FTCDNL1: variants seen among roughly 807,000 people sequenced by gnomAD.
FTCDNL1 encodes the protein formiminotransferase cyclodeaminase N-terminal like.
In FTCDNL1, 11 loss-of-function variants were observed where a neutral mutation model predicts 5.9. The ratio of observed to expected loss-of-function variants is 1.87; its 90% CI spans 1.18 to 3.10. The LOEUF (loss-of-function observed/expected upper bound fraction) is 3.10, where lower values mean the gene tolerates loss of function less well. Among genes scored for constraint, FTCDNL1 ranks in the 30% most tolerant of loss-of-function variants. FTCDNL1 has a pLI of 0.00. For synonymous variants in FTCDNL1, 58 were observed against 24.8 expected (o/e 2.34, Z -3.99); for missense variants, 115 against 65.5 (o/e 1.76, Z -2.61).
Position 199,809,544 on chromosome 2 carries a change from G to A in FTCDNL1, c.*3161C>T, listed in dbSNP as rs1291323131. Reference sequence around the variant, plus strand: ...GATACTAGAACAATATAAATACTAAGGATTTAATTAAAATTGCCATCATTG... The same window carrying A: ...GATACTAGAACAATATAAATACTAAAGATTTAATTAAAATTGCCATCATTG... On this transcript the variant is annotated 3_prime_UTR_variant, in exon 5 of 5. Transcript: ENST00000420128. Among the ~76,000 whole-genome samples, 2 of 151,848 alleles carry A rather than the reference G, an allele frequency of 1.3e-5. No homozygotes were observed. The highest frequency in any genetic ancestry group is 4.8e-5 in the African/African-American group (2 of 41,360).
chr2:199,833,833 C>T (rs1340156556), intron 3 of FTCDNL1, among the ~76,000 whole-genome samples: 1 of 152,302 alleles, frequency 6.6e-6, no homozygotes, highest in East Asian at 1.9e-4. Context: ...CTGCCCTCCC[C>T]CTTTTCATAT....
At chr2:199,788,204 T>A (rs1017924136) in intron 3 of FTCDNL1, among the ~76,000 whole-genome samples, 6 of 152,240 alleles carry the variant, frequency 3.9e-5, no homozygotes, top group Admixed American at 3.9e-4. Flanking sequence ...TTTTTCCATA[T>A]GGCTATTCAG....
chr2:199,767,099 G>C (rs1698573978), intron 3 of FTCDNL1, among the ~76,000 whole-genome samples: 1 of 152,180 alleles, frequency 6.6e-6, no homozygotes, highest in African/African-American at 2.4e-5. Flanking sequence ...GCCAGGGTGA[G>C]AAGTAAGAAG....
chr2:199,774,615 G>A (rs755526144), intron 3 of FTCDNL1, among the ~76,000 whole-genome samples: 2 of 151,772 alleles, frequency 1.3e-5, no homozygotes, highest in Non-Finnish European at 2.9e-5. Context: ...GGTTTTAAGG[G>A]TTTTTTTTAG....
intron 4 of FTCDNL1, among the ~76,000 whole-genome samples, chr2:199,814,175 C>T (rs1012805477): frequency 6.6e-6 from 1 of 151,978 alleles, no homozygotes; most frequent in African/African-American, 2.4e-5. Flanking sequence ...TTTTTTAGAC[C>T]ATGCACTAAA....
chr2:199,674,983 G>A, the FTCDNL1 span, among the ~76,000 whole-genome samples: 1 of 152,222 alleles, frequency 6.6e-6, no homozygotes. Flanking sequence ...GCTTAAGCAT[G>A]TATCAGGAAT....
At chr2:199,703,372 A>G in the FTCDNL1 span, among the ~76,000 whole-genome samples, 1 of 152,220 alleles carries the variant, frequency 6.6e-6, no homozygotes, top group Non-Finnish European at 1.5e-5. Context: ...TGCAAGTAAC[A>G]AATACATCCA....
chr2:199,815,999 C>G (rs1701328845), intron 4 of FTCDNL1, among the ~76,000 whole-genome samples: 1 of 106,958 alleles, frequency 9.3e-6, no homozygotes, highest in Non-Finnish European at 2.0e-5. Flanking sequence ...GACTCCATCT[C>G]AAAAAAAAAA....
chr2:199,748,645 T>C, the FTCDNL1 span, among the ~76,000 whole-genome samples: 1 of 152,158 alleles, frequency 6.6e-6, no homozygotes, highest in Non-Finnish European at 1.5e-5. Flanking sequence ...ATCTATACTA[T>C]TAGCGATAGT....
chr2:199,838,881 A>AT (rs1156429847), intron 3 of FTCDNL1, among the ~76,000 whole-genome samples: 1 of 152,130 alleles, frequency 6.6e-6, no homozygotes, highest in African/African-American at 2.4e-5. Flanking sequence ...AAACGTTGAG[A>AT]TTTTTTCAGC....
the FTCDNL1 span, among the ~76,000 whole-genome samples, chr2:199,692,982 C>T: frequency 3.3e-5 from 5 of 152,302 alleles, no homozygotes; most frequent in South Asian, 1.0e-3. Context: ...AAGAAATCAT[C>T]CTCAGTAGCT....
chr2:199,719,541 GT>G, the FTCDNL1 span, among the ~76,000 whole-genome samples: 1 of 152,118 alleles, frequency 6.6e-6, no homozygotes, highest in African/African-American at 2.4e-5. Flanking sequence ...TTTTAGGGTT[GT>G]TTTTTCTAAT....
At chr2:199,717,986 C>CAAAAAAAAAAA in the FTCDNL1 span, among the ~76,000 whole-genome samples, 12 of 142,514 alleles carry the variant, frequency 8.4e-5, no homozygotes, top group East Asian at 8.2e-4. Flanking sequence ...ACCAAAAAAA[C>CAAAAAAAAAAA]AAAAAAAAAA....
At chr2:199,801,773 T>A (rs1020745680) in intron 3 of FTCDNL1, among the ~76,000 whole-genome samples, 1 of 151,144 alleles carries the variant, frequency 6.6e-6, no homozygotes, top group Admixed American at 6.6e-5. Flanking sequence ...CCCGTCTGTA[T>A]TAAAAATACA....
intron 3 of FTCDNL1, among the ~76,000 whole-genome samples, chr2:199,824,139 AG>A (rs1351166022): frequency 3.3e-5 from 5 of 152,176 alleles, no homozygotes; most frequent in Admixed American, 2.6e-4. Context: ...TCTTAGCTAG[AG>A]ATGCCAGGCT....
At chr2:199,754,122 T>A in the FTCDNL1 span, among the ~76,000 whole-genome samples, 1 of 152,082 alleles carries the variant, frequency 6.6e-6, no homozygotes, top group Non-Finnish European at 1.5e-5. Flanking sequence ...ACAGCAGAAG[T>A]GTGGCACAGC....
At chr2:199,707,229 A>G in the FTCDNL1 span, among the ~76,000 whole-genome samples, 10 of 152,234 alleles carry the variant, frequency 6.6e-5, no homozygotes, top group African/African-American at 2.4e-4. Context: ...CAATTTTCTG[A>G]AAGAATTTAT....
chr2:199,671,109 G>C, the FTCDNL1 span, among the ~76,000 whole-genome samples: 383 of 151,312 alleles, frequency 2.5e-3, no homozygotes, highest in African/African-American at 9.0e-3. Flanking sequence ...TGCTTGGCTT[G>C]CCCGGGAAGT....
the FTCDNL1 span, among the ~76,000 whole-genome samples, chr2:199,746,109 A>C: frequency 6.6e-6 from 1 of 152,090 alleles, no homozygotes; most frequent in South Asian, 2.1e-4. Context: ...TTATTTTTTT[A>C]CTCTACCAAA....
Sources: gnomAD v4.1 joint callset for allele counts (sites outside exome capture counted in the v4.1 genomes callset) on GRCh38, gnomAD v4.1.1 for gene constraint, MANE v1.5 for transcripts, NCBI Gene and HGNC (gene_info 2026-07-23, HGNC 2026-07-21) for gene names.